The following NFIA variants were observed in gnomAD, a reference collection of about 807,000 sequenced individuals.
NFIA encodes nuclear factor 1 A-type.
In NFIA, 8 loss-of-function variants were observed where a neutral mutation model predicts 62.8. That is an observed-to-expected ratio of 0.13 (90% CI 0.07 to 0.23). The LOEUF is 0.23. NFIA is among the 10% of genes least tolerant of loss of function. NFIA has a pLI of 1.00. For missense variants in NFIA, 410 were observed against 642.1 expected, an observed-to-expected ratio of 0.64 and a Z score of 3.91; for synonymous variants, 235 against 238.1, an observed-to-expected ratio of 0.99 and a Z score of 0.12.
intron 3 of NFIA, among the ~76,000 whole-genome samples, chr1:61,282,257 G>A (rs1658181587): frequency 1.3e-5 from 2 of 151,944 alleles, no homozygotes; most frequent in Non-Finnish European, 2.9e-5. Flanking sequence ...CTTGATTACC[G>A]TAGGGAATGC....
At chr1:61,268,496 C>T (rs1167820927) in intron 2 of NFIA, among the ~76,000 whole-genome samples, 1 of 152,006 alleles carries the variant, frequency 6.6e-6, no homozygotes, top group Admixed American at 6.6e-5. Flanking sequence ...ACCCTACCAC[C>T]TTGTCATCCA....
At chr1:61,185,372 A>G (rs569647545) in intron 2 of NFIA, among the ~76,000 whole-genome samples, 32 of 152,320 alleles carry the variant, frequency 2.1e-4, no homozygotes, top group African/African-American at 7.5e-4. Flanking sequence ...AAGGAAAAAA[A>G]GGGGAATATC....
At chr1:61,222,770 GAT>G (rs763502425) in intron 2 of NFIA, among the ~76,000 whole-genome samples, 11 of 152,004 alleles carry the variant, frequency 7.2e-5, no homozygotes, top group Non-Finnish European at 1.3e-4. Flanking sequence ...ATATATGTAA[GAT>G]ATGTATATCT....
chr1:61,451,141 T>A (rs761646319), intron 10 of NFIA, among the ~76,000 whole-genome samples: 1 of 152,224 alleles, frequency 6.6e-6, no homozygotes, highest in Non-Finnish European at 1.5e-5. Context: ...AGGCTTCCTG[T>A]TTAGGATGCA....
chr1:61,088,064 T>C lies in NFIA; in HGVS notation c.28-85T>C. 2 of 1,345,122 alleles carry C rather than the reference T, an allele frequency of 1.5e-6. No homozygotes were observed. Among genetic ancestry groups the C allele is most frequent in the Admixed American group, 4.6e-5 (2 of 43,142 alleles). The allele number at this position is 1,345,122 out of a possible 1,614,324, so 83.3% of individuals were successfully genotyped here. A position where few individuals can be genotyped will look rare whatever the true frequency, so the allele number is the denominator to read the frequency against. On this transcript the variant is annotated intron_variant, in intron 1 of 10. Coordinates refer to ENST00000403491, the MANE Select transcript of NFIA (RefSeq NM_001134673.4). This position sits in a 1 kb window ranked among gnomAD's most constrained non-coding sequence, Gnocchi z 4.5. ...CAAATTTCAAGTGAAATGAGGAATT[T>C]CTTTCTTAAGGTGACCCGCTGAAGA...
intron 2 of NFIA, among the ~76,000 whole-genome samples, chr1:61,179,468 A>G (rs1026137912): frequency 6.6e-6 from 1 of 152,246 alleles, no homozygotes; most frequent in Non-Finnish European, 1.5e-5. Flanking sequence ...GCTGCCTCAC[A>G]GGGATCAAAT....
intron 10 of NFIA, among the ~76,000 whole-genome samples, chr1:61,434,157 A>G (rs913039789): frequency 2.0e-5 from 3 of 152,190 alleles, no homozygotes; most frequent in South Asian, 2.1e-4. Flanking sequence ...AAGGGGAGAC[A>G]ATGTCTCTGA....
chr1:61,246,766 T>C (rs1156825934), intron 2 of NFIA, among the ~76,000 whole-genome samples: 1 of 152,220 alleles, frequency 6.6e-6, no homozygotes, highest in Non-Finnish European at 1.5e-5. Flanking sequence ...GTGTACCGAG[T>C]ACTTACTCCT....
intron 2 of NFIA, among the ~76,000 whole-genome samples, chr1:61,234,123 T>A (rs894237559): frequency 6.6e-6 from 1 of 151,758 alleles, no homozygotes; most frequent in African/African-American, 2.4e-5. Context: ...ATCCCAGCAC[T>A]TTGGGAGGCC....
intron 2 of NFIA, among the ~76,000 whole-genome samples, chr1:61,186,569 A>G (rs1259424298): frequency 2.0e-5 from 3 of 152,220 alleles, no homozygotes; most frequent in African/African-American, 7.2e-5. Flanking sequence ...CTCTCACATT[A>G]TGTGAACAGA....
rs34684743 is a variant in NFIA, at chr1:61,110,472, TAC to T, written c.559+21801_559+21802del. 1.2e-3 allele frequency among the ~76,000 whole-genome samples: 175 copies of T among 152,076 alleles called. 2 individuals are homozygous for T. In the East Asian group the frequency reaches 0.03, roughly 26 times the overall value. ...GGGCAAGCATACGAACAAATATATA[TAC>T]ACACACACGTATCAGTATAGAAAAA... On this transcript the variant is annotated intron_variant, in intron 2 of 10. Transcript: ENST00000403491.
rs1328751093 is a variant in NFIA, at chr1:61,281,257, AAAG to A, written c.625+3675_625+3677del. 2.0e-5 allele frequency among the ~76,000 whole-genome samples: 3 copies of A among 152,064 alleles called. No individual in the cohort carries two copies. In the East Asian group the frequency reaches 5.8e-4, roughly 29 times the overall value. The stretch of plus-strand genomic sequence containing the variant: ...CATCTCAAAAAAAAAAAAGAAAAGA[AAAG>A]AAATAAAATACTAAAAGGACGTATC... On this transcript the variant is annotated intron_variant, in intron 3 of 10. Coordinates refer to ENST00000403491, the MANE Select transcript of NFIA (RefSeq NM_001134673.4).
At chr1:61,388,639 G>A (rs576376799) in intron 7 of NFIA, among the ~76,000 whole-genome samples, 103 of 152,230 alleles carry the variant, frequency 6.8e-4, no homozygotes, top group African/African-American at 2.3e-3. Flanking sequence ...TAGGAACAGA[G>A]AGCAGCCTAC....
chr1:61,345,468 G>A (rs969582082), intron 4 of NFIA, among the ~76,000 whole-genome samples: 9 of 152,074 alleles, frequency 5.9e-5, no homozygotes, highest in Non-Finnish European at 7.3e-5. Flanking sequence ...TAACCTCTTT[G>A]TGCCTCAGTT....
At chr1:61,300,713 A>G (rs1179773689) in intron 3 of NFIA, among the ~76,000 whole-genome samples, 3 of 151,982 alleles carry the variant, frequency 2.0e-5, no homozygotes, top group African/African-American at 7.2e-5. Context: ...ATGTGTATAT[A>G]TATGTATATA....
At chr1:61,237,544 T>G (rs2100640889) in intron 2 of NFIA, among the ~76,000 whole-genome samples, 1 of 152,326 alleles carries the variant, frequency 6.6e-6, no homozygotes, top group African/African-American at 2.4e-5. Flanking sequence ...TAAAAGCAAG[T>G]AAACAAACAA....
chr1:61,408,254 A>G (rs921342763), intron 9 of NFIA, among the ~76,000 whole-genome samples: 7 of 152,244 alleles, frequency 4.6e-5, no homozygotes, highest in African/African-American at 1.2e-4. Flanking sequence ...TCAGTGTCCA[A>G]TGACAGAGAA....
At chr1:61,159,679 G>A (rs550794384) in intron 2 of NFIA, among the ~76,000 whole-genome samples, 16 of 114,636 alleles carry the variant, frequency 1.4e-4, no homozygotes, top group Admixed American at 1.1e-3. Flanking sequence ...TAATGTAGAT[G>A]CTTTTTTTTT....
chr1:61,352,461 G>T lies in NFIA; in HGVS notation c.712G>T (p.Ala238Ser), dbSNP rs374448311. 6 of 1,612,958 alleles carry T rather than the reference G, an allele frequency of 3.7e-6. No homozygotes were observed. Among genetic ancestry groups the T allele is most frequent in the Non-Finnish European group, 4.2e-6 (5 of 1,179,138 alleles). The change falls in exon 5 of 11, where the codon GCA becomes TCA. Residue 238 changes from alanine to serine, a missense_variant. Transcript: ENST00000403491. ...LVRVSQTPIA[A>S]GTGPNFSLSD... Reference sequence around the variant, plus strand: ...TTTCTTAATTCTAGCACCAATAGCTGCAGGAACTGGCCCAAATTTTTCTCT... The same window carrying T: ...TTTCTTAATTCTAGCACCAATAGCTTCAGGAACTGGCCCAAATTTTTCTCT...
Sources: gnomAD v4.1 joint callset for allele counts (sites outside exome capture counted in the v4.1 genomes callset) on GRCh38, gnomAD v4.1.1 for gene constraint, Gnocchi (gnomAD v3.1) non-coding constraint, MANE v1.5 for transcripts, NCBI Gene and HGNC (gene_info 2026-07-23, HGNC 2026-07-21) for gene names.